STK39: variants seen among roughly 807,000 people sequenced by gnomAD.
STK39 encodes the protein serine/threonine kinase 39, also known as STE20/SPS1-related proline-alanine-rich protein kinase.
STK39 carries 20 observed loss-of-function variants against 77.8 expected under a neutral mutation model. That is an observed-to-expected ratio of 0.26 (90% CI 0.18 to 0.37). The LOEUF is 0.37. STK39 is among the 10% of genes least tolerant of loss of function. The pLI, the probability that STK39 is intolerant of heterozygous loss-of-function variation, is 1.00. For missense variants in STK39, 479 were observed against 656.5 expected, an observed-to-expected ratio of 0.73 and a Z score of 2.95; for synonymous variants, 246 against 234.1, an observed-to-expected ratio of 1.05 and a Z score of -0.47.
intron 10 of STK39, among the ~76,000 whole-genome samples, chr2:168,109,593 C>T (rs1194965942): frequency 2.6e-5 from 4 of 152,152 alleles, no homozygotes; most frequent in Non-Finnish European, 4.4e-5. Flanking sequence ...AATTGTGGGG[C>T]TACAGGATAC....
At chr2:168,092,930 G>A (rs1355079106) in intron 10 of STK39, among the ~76,000 whole-genome samples, 3 of 152,096 alleles carry the variant, frequency 2.0e-5, no homozygotes, top group Non-Finnish European at 4.4e-5. Flanking sequence ...GGAATCTTTC[G>A]CACACAATGT....
intron 16 of STK39, among the ~76,000 whole-genome samples, chr2:167,990,028 C>CA (rs1238008142): frequency 6.1e-5 from 9 of 148,244 alleles, no homozygotes; most frequent in African/African-American, 5.0e-5. Flanking sequence ...TCATCATCAT[C>CA]TTCAAATGGT....
At chr2:168,131,871 T>A (rs1170295409) in intron 8 of STK39, among the ~76,000 whole-genome samples, 4 of 152,228 alleles carry the variant, frequency 2.6e-5, no homozygotes, top group Non-Finnish European at 5.9e-5. Context: ...CTATTCCAAA[T>A]TCATCCTTTC....
chr2:168,074,095 G>C (rs968335201), intron 12 of STK39, among the ~76,000 whole-genome samples: 1 of 152,090 alleles, frequency 6.6e-6, no homozygotes, highest in Non-Finnish European at 1.5e-5. Flanking sequence ...AAGAGGAGAA[G>C]AAAGGGTGGC....
intron 16 of STK39, among the ~76,000 whole-genome samples, chr2:167,969,038 A>C (rs1416630914): frequency 6.6e-6 from 1 of 152,128 alleles, no homozygotes; most frequent in African/African-American, 2.4e-5. Flanking sequence ...GACCTTCCTG[A>C]ACGAAGTTCA....
intron 1 of STK39, among the ~76,000 whole-genome samples, chr2:168,246,898 G>T (rs931442355): frequency 3.3e-5 from 5 of 151,736 alleles, no homozygotes; most frequent in African/African-American, 2.4e-5. Flanking sequence ...CGGCACGCGG[G>T]GGGAGGAAGA....
chr2:167,964,780 G>A, intron 16 of STK39, 54 bp from the exon 17 acceptor site: 1 of 1,451,242 alleles, frequency 6.9e-7, no homozygotes, highest in Non-Finnish European at 9.5e-7. Context: ...AATAACAGTG[G>A]ATTTTCACAT....
At chr2:168,246,272 T>C (rs1388540776) in intron 1 of STK39, among the ~76,000 whole-genome samples, 2 of 152,134 alleles carry the variant, frequency 1.3e-5, no homozygotes, top group Non-Finnish European at 2.9e-5. Context: ...GATGATCCAA[T>C]AGGGAAGGTT....
intron 16 of STK39, among the ~76,000 whole-genome samples, chr2:167,976,887 C>A (rs1683289675): frequency 6.6e-6 from 1 of 152,076 alleles, no homozygotes; most frequent in African/African-American, 2.4e-5. Flanking sequence ...TTTTTTTTTA[C>A]TGCAATGCTG....
chr2:168,063,554 T>C lies in STK39; in HGVS notation c.1322A>G (p.Asn441Ser), dbSNP rs942822043. The C allele has an allele frequency of 6.2e-7, 1 of 1,613,084 alleles. No individual in the cohort carries two copies. Among genetic ancestry groups the C allele is most frequent in the Non-Finnish European group, 8.5e-7 (1 of 1,179,464 alleles). Residue 441 changes from asparagine (N) to serine (S), a missense_variant, in exon 14 of 18, where the codon AAT (asparagine) becomes AGT (serine). Asn to Ser is a conservative substitution (Grantham distance 46, BLOSUM62 1). Transcript: ENST00000355999. ...AGAAGAAGCTTCTCTGTAGTCTTCA[T>C]TAGCATTGGGTGGGCCCTTTAAAAA... ...VHDSQGPPNA[N>S]EDYREASSCA...
At chr2:168,126,169 G>C (rs978191804) in intron 10 of STK39, among the ~76,000 whole-genome samples, 1 of 152,104 alleles carries the variant, frequency 6.6e-6, no homozygotes, top group Non-Finnish European at 1.5e-5. Flanking sequence ...TGTGTCAATG[G>C]ACTGTCTGTT....
chr2:168,174,426 A>T (rs1688905424), intron 2 of STK39, among the ~76,000 whole-genome samples: 1 of 152,236 alleles, frequency 6.6e-6, no homozygotes, highest in Non-Finnish European at 1.5e-5. Context: ...GAAGTGAAGA[A>T]GCCACTTATT....
intron 16 of STK39, among the ~76,000 whole-genome samples, chr2:168,006,689 C>A (rs563238221): frequency 1.2e-4 from 19 of 152,184 alleles, no homozygotes; most frequent in Non-Finnish European, 2.5e-4. Context: ...TAAACCAACA[C>A]CCACCCGCGA....
At chr2:168,000,089 C>G (rs1683961744) in intron 16 of STK39, among the ~76,000 whole-genome samples, 1 of 152,134 alleles carries the variant, frequency 6.6e-6, no homozygotes, top group Non-Finnish European at 1.5e-5. Flanking sequence ...CAATAATATC[C>G]CAGGGAAATA....
intron 10 of STK39, among the ~76,000 whole-genome samples, chr2:168,107,348 T>C (rs1484845774): frequency 6.6e-6 from 1 of 152,160 alleles, no homozygotes; most frequent in African/African-American, 2.4e-5. Flanking sequence ...GGGAAATACT[T>C]TGAAAGGTTT....
intron 7 of STK39, among the ~76,000 whole-genome samples, chr2:168,139,363 A>C (rs982960125): frequency 4.0e-5 from 6 of 151,218 alleles, no homozygotes; most frequent in South Asian, 2.1e-4. Flanking sequence ...ATATGTACCC[A>C]CACACACACA....
intron 5 of STK39, among the ~76,000 whole-genome samples, chr2:168,146,670 G>A (rs1688148906): frequency 6.6e-6 from 1 of 152,202 alleles, no homozygotes; most frequent in South Asian, 2.1e-4. Context: ...AAGGGAATTT[G>A]TACCTGATTC....
At chr2:168,192,050 G>T (rs1689353139) in intron 1 of STK39, among the ~76,000 whole-genome samples, 1 of 152,128 alleles carries the variant, frequency 6.6e-6, no homozygotes, top group African/African-American at 2.4e-5. Flanking sequence ...CAGAAGGCTG[G>T]TTCCAAGAGG....
At chr2:168,165,299 CA>C (rs757444876) in intron 3 of STK39, among the ~76,000 whole-genome samples, 18 of 152,110 alleles carry the variant, frequency 1.2e-4, no homozygotes, top group African/African-American at 3.9e-4. Context: ...AAATTGGACT[CA>C]AAAAGACAAA....
Sources: allele counts gnomAD v4.1 joint callset (sites outside exome capture counted in the v4.1 genomes callset), GRCh38; gene constraint gnomAD v4.1.1; transcripts MANE v1.5; gene names NCBI Gene and HGNC (gene_info 2026-07-23, HGNC 2026-07-21).